The following MCTP1 variants were observed in gnomAD, a reference collection of about 807,000 sequenced individuals.
MCTP1 encodes the protein multiple C2 and transmembrane domain-containing protein 1.
In MCTP1, 69 loss-of-function variants were observed where a neutral mutation model predicts 120.6. That is an observed-to-expected ratio of 0.57 (90% CI 0.47 to 0.70). The LOEUF (loss-of-function observed/expected upper bound fraction) is 0.70, where lower values mean the gene tolerates loss of function less well. MCTP1 is among the 30% of genes least tolerant of loss of function. The pLI is 0.00. For missense variants in MCTP1, 1,203 were observed against 1,248.8 expected (o/e 0.96, Z 0.55); for synonymous variants, 529 against 493.1 (o/e 1.07, Z -0.96).
chr5:95,236,816 G>A (rs578083134), intron 1 of MCTP1, among the ~76,000 whole-genome samples: 1 of 152,270 alleles, frequency 6.6e-6, no homozygotes, highest in East Asian at 1.9e-4. Flanking sequence ...ACCATAGAGG[G>A]AGATTTCACT....
rs572890286 is a variant in MCTP1, at chr5:94,788,414, C to T, written c.2557-9251G>A. ...TCTCAGCGTTATTGGACTCCTAATA[C>T]TTCTGATTTATAAACACTTTCCACA... is the stretch of plus-strand genomic sequence containing the variant. On this transcript the variant is annotated intron_variant, in intron 18 of 22. Coordinates refer to ENST00000515393, the MANE Select transcript of MCTP1 (RefSeq NM_024717.7). 5.5e-4 allele frequency among the ~76,000 whole-genome samples: 83 copies of T among 152,252 alleles called. 2 individuals carry two copies. In the South Asian group the frequency reaches 0.011, roughly 21 times the overall value.
intron 11 of MCTP1, among the ~76,000 whole-genome samples, chr5:94,892,307 C>T (rs1231320494): frequency 1.3e-5 from 2 of 152,194 alleles, no homozygotes; most frequent in South Asian, 2.1e-4. Flanking sequence ...GGTCAAGGGA[C>T]ATTAAATCAG....
chr5:95,095,173 G>A (rs1468890032), intron 1 of MCTP1, among the ~76,000 whole-genome samples: 2 of 150,548 alleles, frequency 1.3e-5, no homozygotes, highest in Non-Finnish European at 3.0e-5. Flanking sequence ...ACAGGCGCCC[G>A]CTACCACGCC....
intron 1 of MCTP1, among the ~76,000 whole-genome samples, chr5:95,245,306 A>G (rs1416658093): frequency 1.3e-5 from 2 of 152,240 alleles, no homozygotes; most frequent in Non-Finnish European, 2.9e-5. Flanking sequence ...GCAAGGGAAC[A>G]AAGCTGGATG....
chr5:95,058,847 A>G (rs911276370), intron 1 of MCTP1, among the ~76,000 whole-genome samples: 1 of 152,046 alleles, frequency 6.6e-6, no homozygotes, highest in Non-Finnish European at 1.5e-5. Flanking sequence ...CTAGGGTTTG[A>G]CATTCTCTTT....
intron 1 of MCTP1, among the ~76,000 whole-genome samples, chr5:95,048,696 G>A (rs988141562): frequency 1.1e-4 from 16 of 152,142 alleles, no homozygotes; most frequent in Admixed American, 7.9e-4. Context: ...TCAATGCCTG[G>A]AAGACTCGAT....
At chr5:95,232,961 TGAA>T (rs1375711785) in intron 1 of MCTP1, among the ~76,000 whole-genome samples, 1 of 152,102 alleles carries the variant, frequency 6.6e-6, no homozygotes, top group Non-Finnish European at 1.5e-5. Context: ...TCAACAGACA[TGAA>T]GCAAAACCTC....
At position 94,965,647 on chromosome 5, in the gene MCTP1, T is replaced by C. The variant is rs191412653; in HGVS notation, c.839-12286A>G. ...AAATAAGTAAATGAATAAGTGAATC[T>C]GTGTACAGAGTACTATCAAATACAT... On this transcript the variant is annotated intron_variant, in intron 2 of 22. Coordinates refer to ENST00000515393, the MANE Select transcript of MCTP1 (RefSeq NM_024717.7). Among the ~76,000 whole-genome samples, 154 of 152,310 alleles carry C rather than the reference T, an allele frequency of 1.0e-3. 2 individuals are homozygous for C. The highest frequency in any genetic ancestry group is 3.6e-3 in the African/African-American group (150 of 41,556).
intron 1 of MCTP1, among the ~76,000 whole-genome samples, chr5:95,165,595 G>A (rs1185561235): frequency 6.6e-6 from 1 of 152,186 alleles, no homozygotes; most frequent in Non-Finnish European, 1.5e-5. Context: ...CTCCTCAGAG[G>A]ATATAGCTGT....
At chr5:94,957,808 C>T (rs1481713839) in intron 2 of MCTP1, among the ~76,000 whole-genome samples, 1 of 152,188 alleles carries the variant, frequency 6.6e-6, no homozygotes, top group Non-Finnish European at 1.5e-5. Context: ...TAGACTCCCA[C>T]ACAATAATAG....
At chr5:95,178,465 A>T (rs1182282127) in intron 1 of MCTP1, among the ~76,000 whole-genome samples, 2 of 152,186 alleles carry the variant, frequency 1.3e-5, no homozygotes, top group African/African-American at 4.8e-5. Flanking sequence ...CACACTAAAG[A>T]AAAATACAAG....
intron 2 of MCTP1, among the ~76,000 whole-genome samples, chr5:94,986,801 G>T (rs984715434): frequency 1.3e-5 from 2 of 151,992 alleles, no homozygotes; most frequent in African/African-American, 2.4e-5. Flanking sequence ...GTGAGCCACC[G>T]CGTCGGGCCT....
chr5:94,976,587 C>T (rs913014327), intron 2 of MCTP1, among the ~76,000 whole-genome samples: 1 of 151,936 alleles, frequency 6.6e-6, no homozygotes, highest in African/African-American at 2.4e-5. Flanking sequence ...GAAACCAGAC[C>T]AGAATAAAGG....
At chr5:94,754,293 A>T (rs1580488636) in intron 19 of MCTP1, among the ~76,000 whole-genome samples, 1 of 152,206 alleles carries the variant, frequency 6.6e-6, no homozygotes, top group Non-Finnish European at 1.5e-5. Flanking sequence ...AGAAGCTGGG[A>T]AGGTCCGTCA....
At chr5:94,967,115 C>T (rs1825803635) in intron 2 of MCTP1, among the ~76,000 whole-genome samples, 1 of 152,202 alleles carries the variant, frequency 6.6e-6, no homozygotes, top group African/African-American at 2.4e-5. Flanking sequence ...GGCCTATACA[C>T]TCAGATGTTA....
intron 18 of MCTP1, among the ~76,000 whole-genome samples, chr5:94,785,528 G>C (rs1048099884): frequency 6.6e-6 from 1 of 152,014 alleles, no homozygotes; most frequent in Non-Finnish European, 1.5e-5. Context: ...TGTTTAATGT[G>C]CTTTGCAAGT....
chr5:94,954,350 C>T (rs1822021710), intron 2 of MCTP1, among the ~76,000 whole-genome samples: 1 of 151,162 alleles, frequency 6.6e-6, no homozygotes, highest in Non-Finnish European at 1.5e-5. Flanking sequence ...GGGAGCTAAA[C>T]AATTGGTACA....
chr5:95,140,581 G>A (rs1347846579), intron 1 of MCTP1, among the ~76,000 whole-genome samples: 3 of 151,368 alleles, frequency 2.0e-5, no homozygotes, highest in African/African-American at 4.9e-5. Flanking sequence ...TTTAACGGCC[G>A]GGCGCGATGG....
chr5:94,858,633 C>T (rs1795167794), intron 17 of MCTP1, among the ~76,000 whole-genome samples: 1 of 151,636 alleles, frequency 6.6e-6, no homozygotes, highest in South Asian at 2.1e-4. Context: ...GTCTTTGAAG[C>T]TTCCATTACT....
Sources: gnomAD v4.1 joint callset for allele counts (sites outside exome capture counted in the v4.1 genomes callset) on GRCh38, gnomAD v4.1.1 for gene constraint, MANE v1.5 for transcripts, NCBI Gene and HGNC (gene_info 2026-07-23, HGNC 2026-07-21) for gene names.